Variants in OTOG observed in about 807,000 individuals in gnomAD.
OTOG encodes the protein otogelin.
OTOG carries 296 observed loss-of-function variants against 313.8 expected under a neutral mutation model. That is an observed-to-expected ratio of 0.94 (90% CI 0.86 to 1.04). The LOEUF is 1.04. Ranked by LOEUF, OTOG falls within the 50% of genes least tolerant of loss-of-function variation. OTOG has a pLI of 0.00. For synonymous variants in OTOG, 1,533 were observed against 1,554.9 expected (o/e 0.99, Z 0.33); for missense variants, 3,948 against 3,840.1 (o/e 1.03, Z -0.74).
chr11:17,640,710 C>T lies in OTOG; in HGVS notation c.7936-35C>T, dbSNP rs185592587. On this transcript the variant is annotated intron_variant, in intron 49 of 55. Coordinates refer to ENST00000399397, the MANE Select transcript of OTOG (RefSeq NM_001292063.2). ...TGCTCCTGAGGGCCAGGCTGGCCCC[C>T]AACCCAGGGTGCTGACTGCCTCTGC... The T allele has an allele frequency of 7.1e-4, 1,091 of 1,545,432 alleles. 4 individuals are homozygous for T. The African/African-American group carries it at 0.012, about 16-fold the overall frequency.
At chr11:17,639,491 C>A in intron 49 of OTOG, 28 bp downstream of exon 49, 3 of 1,548,526 alleles carry the variant, frequency 1.9e-6, no homozygotes, top group Non-Finnish European at 2.6e-6. Flanking sequence ...CCCCAACACT[C>A]CCTGGTCTGC....
Position 17,629,323 on chromosome 11 carries a change from T to C in OTOG, c.6712+7T>C. ...CAGGGCCATGGCCTGTGCGGTGAGG[T>C]GGAACCCAGCTTGCGGGGAGGGGAT... On this transcript the variant is annotated splice_region_variant and intron_variant, in intron 40 of 55. Transcript: ENST00000399397. 3.9e-6 allele frequency: 6 copies of C among 1,542,500 alleles called. No homozygotes were observed. The highest frequency in any genetic ancestry group is 5.3e-6 in the Non-Finnish European group (6 of 1,142,468).
At chr11:17,602,705 C>G (rs1853284992) in intron 32 of OTOG, among the ~76,000 whole-genome samples, 1 of 152,136 alleles carries the variant, frequency 6.6e-6, no homozygotes, top group Non-Finnish European at 1.5e-5. Flanking sequence ...CTATCTCACC[C>G]TCCCTCCCTC....
chr11:17,595,331 T>C (rs1853066349), intron 28 of OTOG, among the ~76,000 whole-genome samples: 1 of 152,226 alleles, frequency 6.6e-6, no homozygotes, highest in Admixed American at 6.5e-5. Context: ...TACCATGGGG[T>C]TCCCCAGTGA....
At chr11:17,601,614 A>AC (rs1853252538) in intron 31 of OTOG, among the ~76,000 whole-genome samples, 1 of 115,216 alleles carries the variant, frequency 8.7e-6, no homozygotes. Flanking sequence ...CTGGGAGGGC[A>AC]GCTCAGCAGC....
At chr11:17,560,890 G>A in intron 13 of OTOG, 73 bp downstream of exon 13, 1 of 1,353,774 alleles carries the variant, frequency 7.4e-7, no homozygotes, top group Non-Finnish European at 1.0e-6. Flanking sequence ...TGCCCATCTG[G>A]GAGCACTAAT....
chr11:17,573,208 G>C lies in OTOG; in HGVS notation c.2211G>C (p.Leu737=), dbSNP rs1249992085. The C allele has an allele frequency of 1.3e-6, 2 of 1,537,788 alleles. No homozygotes were observed. Among genetic ancestry groups the C allele is most frequent in the Non-Finnish European group, 1.7e-6 (2 of 1,146,548 alleles). Reference sequence around the variant, plus strand: ...CCTGCCGCTGCGGGCAGCCCTGCCTGTGCGCCACACTGGCCCACTACGCCC... The same window carrying C: ...CCTGCCGCTGCGGGCAGCCCTGCCTCTGCGCCACACTGGCCCACTACGCCC... ...RDACRCGQPC[L]CATLAHYAHL... The change falls in exon 19 of 56, where the codon CTG becomes CTC. Residue 737 remains leucine, a synonymous_variant. Coordinates refer to ENST00000399397, the MANE Select transcript of OTOG (RefSeq NM_001292063.2).
chr11:17,570,097 C>A (rs1046708913), intron 16 of OTOG, 116 bp from the exon 17 acceptor site: 2 of 907,282 alleles, frequency 2.2e-6, no homozygotes, highest in Non-Finnish European at 1.7e-6. Flanking sequence ...GGCAGGCAGG[C>A]AGGGGGCGAA....
intron 23 of OTOG, among the ~76,000 whole-genome samples, chr11:17,585,349 T>C (rs1852767578): frequency 6.6e-6 from 1 of 152,226 alleles, no homozygotes. Flanking sequence ...TCTGTAGCAA[T>C]ATCTCCTCTT....
Position 17,574,781 on chromosome 11 carries a change from C to A in OTOG, c.2355C>A (p.Cys785Ter), listed in dbSNP as rs1301869270. 1 of 1,550,670 alleles carries A rather than the reference C, an allele frequency of 6.4e-7. No individual in the cohort carries two copies. The highest frequency in any genetic ancestry group is 8.7e-7 in the Non-Finnish European group (1 of 1,146,962). Residue 785 changes from cysteine (C) to a stop codon, truncating the protein, a stop_gained, in exon 20 of 56, where the codon TGC becomes TGA. Transcript: ENST00000399397. LOFTEE classifies it high-confidence loss of function. ...SPCVAPCGRTCQDLASPEACG... is the reference protein window; with the variant it reads ...SPCVAPCGRT ...GCGTGGCCCCGTGTGGACGTACCTG[C>A]CAGGACCTGGCCAGCCCTGAGGCCT...
At chr11:17,636,983 CAG>C (rs1193265079) in intron 47 of OTOG, among the ~76,000 whole-genome samples, 1 of 152,194 alleles carries the variant, frequency 6.6e-6, no homozygotes, top group African/African-American at 2.4e-5. Context: ...TGCTCCAAAA[CAG>C]AGGCTGTTGA....
At chr11:17,616,790 A>T (rs767984655) in intron 39 of OTOG, among the ~76,000 whole-genome samples, 12 of 152,232 alleles carry the variant, frequency 7.9e-5, no homozygotes, top group African/African-American at 9.6e-5. Context: ...ATAGACAATT[A>T]TGTCTTCTCC....
At chr11:17,615,467 T>C (rs771849927) in intron 39 of OTOG, among the ~76,000 whole-genome samples, 2 of 152,224 alleles carry the variant, frequency 1.3e-5, no homozygotes, top group Non-Finnish European at 2.9e-5. Context: ...CTAGAAGTTT[T>C]ATAGTTTTAG....
rs1204617403 is a variant in OTOG, at chr11:17,645,551, CCT to C, written c.8462-12_8462-11del. On this transcript the variant is annotated splice_polypyrimidine_tract_variant and intron_variant, in intron 54 of 55. Coordinates refer to ENST00000399397, the MANE Select transcript of OTOG (RefSeq NM_001292063.2). ...GTCTTGGCCACAGCTGCCTCATCCC[CCT>C]GTCCCCCCAGGTAAGGAGGATGGGC... 2.6e-6 allele frequency: 4 copies of C among 1,550,028 alleles called. No individual in the cohort carries two copies. Among genetic ancestry groups the C allele is most frequent in the Middle Eastern group, 3.3e-4 (2 of 5,990 alleles).
chr11:17,596,188 G>A (rs1310870416), intron 29 of OTOG, 34 bp downstream of exon 29: 10 of 1,448,018 alleles, frequency 6.9e-6, no homozygotes, highest in Non-Finnish European at 9.5e-6. Flanking sequence ...CCTCCCGAGT[G>A]CCCCCTCCAC....
chr11:17,555,696 T>C, intron 6 of OTOG, 83 bp from the exon 7 acceptor site: 1 of 1,083,272 alleles, frequency 9.2e-7, no homozygotes. Context: ...CCATCGGCAT[T>C]AGTGAAAACT....
intron 16 of OTOG, among the ~76,000 whole-genome samples, chr11:17,569,531 A>C (rs147714919): frequency 6.6e-6 from 1 of 152,188 alleles, no homozygotes; most frequent in South Asian, 2.1e-4. Context: ...GAACATATAC[A>C]TGGGTGTTTC....
rs11024334 is a variant in OTOG, at chr11:17,594,009, A to C, written c.3289-38A>C. ...CCTCTGCCCGTGGCTCACCTCTGGCAGGCCTGCAACTGACCATGGTGTCCT... is the reference window on the plus strand; with the variant it reads ...CCTCTGCCCGTGGCTCACCTCTGGCCGGCCTGCAACTGACCATGGTGTCCT... On this transcript the variant is annotated intron_variant, in intron 27 of 55. Transcript: ENST00000399397. The C allele has an allele frequency of 0.062, 96,244 of 1,550,134 alleles. 3,497 individuals carry two copies. Among genetic ancestry groups the C allele is most frequent in the Non-Finnish European group, 0.073 (84,127 of 1,146,754 alleles).
intron 23 of OTOG, 70 bp from the exon 24 acceptor site, chr11:17,586,404 C>A: frequency 2.1e-6 from 2 of 948,130 alleles, no homozygotes; most frequent in Non-Finnish European, 2.8e-6. Context: ...CAGATTGAGG[C>A]AGGGTCCTCC....
Sources: allele counts gnomAD v4.1 joint callset (sites outside exome capture counted in the v4.1 genomes callset), GRCh38; gene constraint gnomAD v4.1.1; transcripts MANE v1.5; gene names NCBI Gene and HGNC (gene_info 2026-07-23, HGNC 2026-07-21).